KIF26B: variants seen among roughly 807,000 people sequenced by gnomAD.
KIF26B encodes kinesin-like protein KIF26B.
KIF26B carries 63 observed loss-of-function variants against 151.2 expected under a neutral mutation model. The observed-to-expected ratio is 0.42, with a 90% CI of 0.34 to 0.51. The LOEUF is 0.51. KIF26B is among the 20% of genes least tolerant of loss of function. The probability of loss-of-function intolerance (pLI) is 0.07; values close to 1 mark genes in which losing one functional copy is unlikely to be tolerated. For synonymous variants in KIF26B, 1,357 were observed against 1,262.1 expected (o/e 1.08, Z -1.59); for missense variants, 2,813 against 2,913.6 (o/e 0.97, Z 0.79).
At chr1:245,312,251 C>T (rs891156981) in intron 2 of KIF26B, among the ~76,000 whole-genome samples, 1 of 152,128 alleles carries the variant, frequency 6.6e-6, no homozygotes, top group African/African-American at 2.4e-5. Context: ...TGGAACTTGT[C>T]CTAAGGATGC....
At position 245,687,498 on chromosome 1, in the gene KIF26B, C is replaced by A. The variant is rs777053804; in HGVS notation, c.4515C>A (p.Asn1505Lys). 6.3e-7 allele frequency: 1 copy of A among 1,581,064 alleles called. No homozygotes were observed. Among genetic ancestry groups the A allele is most frequent in the East Asian group, 2.3e-5 (1 of 43,008 alleles). ...TGTCGGCCTCCCCGGTCACTGACAA[C>A]TTCAGGAGGGTCGTGGATGGGTGTG... ...GEVSASPVTD[N>K]FRRVVDGCEM... is the part of the protein sequence containing the mutation. Residue 1505 changes from asparagine to lysine, a missense_variant, in exon 12 of 15, where the codon AAC (asparagine) becomes AAA (lysine). Coordinates refer to ENST00000407071, the MANE Select transcript of KIF26B (RefSeq NM_018012.4). The surrounding 1 kb of genome is among the most constrained non-coding windows in gnomAD (Gnocchi z 4.9).
chr1:245,204,700 T>C (rs764542993), intron 2 of KIF26B, among the ~76,000 whole-genome samples: 14 of 152,120 alleles, frequency 9.2e-5, no homozygotes, highest in Non-Finnish European at 1.8e-4. Context: ...AAATTTCTCT[T>C]ATGGCTTCGT....
intron 4 of KIF26B, among the ~76,000 whole-genome samples, chr1:245,456,311 G>T (rs756700107): frequency 4.6e-5 from 7 of 152,160 alleles, no homozygotes; most frequent in Non-Finnish European, 1.0e-4. Context: ...AAATGATGCT[G>T]CCATGAATAT....
In KIF26B at chr1:245,167,152, G is replaced by A. The variant is rs565037508; in HGVS notation, c.465+10469G>A. On this transcript the variant is annotated intron_variant, in intron 2 of 14. Transcript: ENST00000407071. The surrounding 1 kb of genome is among the most constrained non-coding windows in gnomAD (Gnocchi z 4.2). The stretch of plus-strand genomic sequence containing the variant: ...ACAGCATGGTTCTAAAATCTTTGAT[G>A]GTTCTTACGTGTAAACTTTCTTTTT... Among the ~76,000 whole-genome samples, 40 of 151,608 alleles carry A rather than the reference G, an allele frequency of 2.6e-4. No homozygotes were observed. The highest frequency in any genetic ancestry group is 8.7e-4 in the African/African-American group (36 of 41,390).
In KIF26B at chr1:245,651,278, TGAAAG is replaced by T. The variant is rs2044013024; in HGVS notation, c.2258+5003_2258+5007del. On this transcript the variant is annotated intron_variant, in intron 10 of 14. Coordinates refer to ENST00000407071, the MANE Select transcript of KIF26B (RefSeq NM_018012.4). ...GAAGCTCAAGTTCAAATCAGTGACT[TGAAAG>T]GAAATGACACTTCATAAGTAGAGGC... Among the ~76,000 whole-genome samples the T allele has an allele frequency of 3.3e-5, 5 of 152,218 alleles. 1 individual carries two copies. The South Asian group carries it at 1.0e-3, about 32-fold the overall frequency.
intron 4 of KIF26B, among the ~76,000 whole-genome samples, chr1:245,441,919 A>T (rs72761188): frequency 6.6e-6 from 1 of 152,058 alleles, no homozygotes; most frequent in Non-Finnish European, 1.5e-5. Context: ...ATCCACAGAC[A>T]CTGGCAGACG....
intron 2 of KIF26B, among the ~76,000 whole-genome samples, chr1:245,343,990 T>C (rs1672387574): frequency 6.6e-6 from 1 of 152,196 alleles, no homozygotes; most frequent in African/African-American, 2.4e-5. Context: ...CTGGGCTTTC[T>C]TGGGGTGCAG....
intron 2 of KIF26B, among the ~76,000 whole-genome samples, chr1:245,202,061 G>T (rs903950976): frequency 6.6e-6 from 1 of 152,164 alleles, no homozygotes; most frequent in African/African-American, 2.4e-5. Context: ...ATTTAGGATT[G>T]CGAGGCAGGC....
rs1327902490 is a variant in KIF26B, at chr1:245,704,399, T to C, written c.*1793T>C. 3 of 152,270 alleles carry C rather than the reference T, an allele frequency of 2.0e-5. No individual in the cohort carries two copies. The highest frequency in any genetic ancestry group is 2.9e-5 in the Non-Finnish European group (2 of 68,066). 9.4% of individuals were successfully genotyped at this position (152,270 alleles called of 1,614,324 possible). A position where few individuals can be genotyped will look rare whatever the true frequency, so the allele number is the denominator to read the frequency against. On this transcript the variant is annotated 3_prime_UTR_variant, in exon 15 of 15. Coordinates refer to ENST00000407071, the MANE Select transcript of KIF26B (RefSeq NM_018012.4). Reference sequence around the variant, plus strand: ...AAATGGGAACCGAAGTCTTGTGAGCTTCACATGACCTGATCCTTTGTTATC... The same window carrying C: ...AAATGGGAACCGAAGTCTTGTGAGCCTCACATGACCTGATCCTTTGTTATC...
In KIF26B at chr1:245,218,222, C is replaced by T. The variant is rs533956636; in HGVS notation, c.465+61539C>T. Among the ~76,000 whole-genome samples the T allele has an allele frequency of 6.6e-6, 1 of 152,278 alleles. No individual in the cohort carries two copies. Among genetic ancestry groups the T allele is most frequent in the African/African-American group, 2.4e-5 (1 of 41,550 alleles). On this transcript the variant is annotated intron_variant, in intron 2 of 14. Transcript: ENST00000407071. This position sits in a 1 kb window ranked among gnomAD's most constrained non-coding sequence, Gnocchi z 4.1. ...TGTCACCAGAGCAGTGACATTCGGGCCCTCGGGGGCAGACTGTGCCTGTGG... is the reference window on the plus strand; with the variant it reads ...TGTCACCAGAGCAGTGACATTCGGGTCCTCGGGGGCAGACTGTGCCTGTGG...
At chr1:245,346,491 C>T (rs777978647) in intron 2 of KIF26B, among the ~76,000 whole-genome samples, 7 of 152,152 alleles carry the variant, frequency 4.6e-5, no homozygotes, top group Non-Finnish European at 8.8e-5. Context: ...ATCCATGCCA[C>T]CTTGTTCCTT....
chr1:245,339,506 G>A (rs2102995122), intron 2 of KIF26B, among the ~76,000 whole-genome samples: 1 of 152,234 alleles, frequency 6.6e-6, no homozygotes, highest in South Asian at 2.1e-4. Flanking sequence ...AGGAAGACAA[G>A]TTTCTGAGAT....
At chr1:245,571,797 C>T (rs992833697) in intron 5 of KIF26B, among the ~76,000 whole-genome samples, 2 of 152,162 alleles carry the variant, frequency 1.3e-5, no homozygotes, top group African/African-American at 4.8e-5. Flanking sequence ...CTCTAGTTCA[C>T]GCCCTGTAAG....
chr1:245,575,914 CT>C (rs1209539427), intron 5 of KIF26B, among the ~76,000 whole-genome samples: 1 of 152,102 alleles, frequency 6.6e-6, no homozygotes, highest in African/African-American at 2.4e-5. Flanking sequence ...CTGGCATTTA[CT>C]TAAGACATTT....
intron 2 of KIF26B, among the ~76,000 whole-genome samples, chr1:245,197,059 G>A (rs1165560229): frequency 6.6e-6 from 1 of 152,150 alleles, no homozygotes; most frequent in African/African-American, 2.4e-5. Flanking sequence ...CACTCAGAGG[G>A]CACGGATTAG....
chr1:245,563,707 C>T lies in KIF26B; in HGVS notation c.1350+22757C>T, dbSNP rs538735309. Among the ~76,000 whole-genome samples, 85 of 152,100 alleles carry T rather than the reference C, an allele frequency of 5.6e-4. No homozygotes were observed. Among genetic ancestry groups the T allele is most frequent in the Non-Finnish European group, 8.4e-4 (57 of 68,022 alleles). Reference sequence around the variant, plus strand: ...ATGGTGGTCCCATAAGATTATAATACTGTGTTTTTACTACACCTTTTCTAT... The same window carrying T: ...ATGGTGGTCCCATAAGATTATAATATTGTGTTTTTACTACACCTTTTCTAT... On this transcript the variant is annotated intron_variant, in intron 5 of 14. Transcript: ENST00000407071. This position sits in a 1 kb window ranked among gnomAD's most constrained non-coding sequence, Gnocchi z 4.6.
intron 4 of KIF26B, among the ~76,000 whole-genome samples, chr1:245,484,239 G>T (rs919614173): frequency 1.3e-5 from 2 of 151,874 alleles, no homozygotes; most frequent in Non-Finnish European, 2.9e-5. Context: ...ACTTTGGGCA[G>T]TATTCTAAAT....
intron 3 of KIF26B, among the ~76,000 whole-genome samples, chr1:245,396,035 T>A (rs1673830168): frequency 6.6e-6 from 1 of 152,204 alleles, no homozygotes. Flanking sequence ...ATCCTGGCTT[T>A]ATGGAGTAGG....
At chr1:245,290,275 T>C (rs1215979060) in intron 2 of KIF26B, among the ~76,000 whole-genome samples, 3 of 152,202 alleles carry the variant, frequency 2.0e-5, no homozygotes, top group Non-Finnish European at 4.4e-5. Context: ...CTACTGTCAC[T>C]GGAAAGGAGT....
Sources: allele counts gnomAD v4.1 joint callset (sites outside exome capture counted in the v4.1 genomes callset), GRCh38; gene constraint gnomAD v4.1.1; non-coding constraint Gnocchi (gnomAD v3.1); transcripts MANE v1.5; gene names NCBI Gene and HGNC (gene_info 2026-07-23, HGNC 2026-07-21).